The following MACROD1 variants were observed in gnomAD, a reference collection of about 807,000 sequenced individuals.
MACROD1 encodes ADP-ribose glycohydrolase MACROD1.
A neutral mutation model predicts 41.4 loss-of-function variants in MACROD1; 31 were observed. The ratio of observed to expected loss-of-function variants is 0.75; its 90% confidence interval spans 0.56 to 1.01. The LOEUF (loss-of-function observed/expected upper bound fraction) is 1.01. MACROD1 is among the 50% of genes least tolerant of loss of function. The pLI, the probability that MACROD1 is intolerant of heterozygous loss-of-function variation, is 0.00. For synonymous variants in MACROD1, 252 were observed against 203.4 expected, an observed-to-expected ratio of 1.24 and a Z score of -2.03; for missense variants, 473 against 460.0, an observed-to-expected ratio of 1.03 and a Z score of -0.26.
At chr11:64,017,955 G>A (rs1000972758) in intron 3 of MACROD1, among the ~76,000 whole-genome samples, 15 of 152,244 alleles carry the variant, frequency 9.9e-5, no homozygotes, top group African/African-American at 3.4e-4. Context: ...CCATTCCCCT[G>A]CCCACCTGGC....
At chr11:64,056,084 G>A (rs1433476721) in intron 3 of MACROD1, among the ~76,000 whole-genome samples, 1 of 152,234 alleles carries the variant, frequency 6.6e-6, no homozygotes, top group African/African-American at 2.4e-5. Flanking sequence ...CAGACAGGAG[G>A]AGGAAGGGAG....
At chr11:64,164,079 C>T (rs1296381121) in intron 1 of MACROD1, among the ~76,000 whole-genome samples, 5 of 152,242 alleles carry the variant, frequency 3.3e-5, no homozygotes, top group African/African-American at 1.2e-4. Context: ...GGCCTTGTCT[C>T]AGCTGCTAGA....
chr11:64,077,748 C>A (rs1048848155), intron 3 of MACROD1, among the ~76,000 whole-genome samples: 1 of 152,186 alleles, frequency 6.6e-6, no homozygotes, highest in Non-Finnish European at 1.5e-5. Flanking sequence ...ACTGCATTGC[C>A]GAGGGAGGAG....
chr11:64,072,114 G>GGCCT (rs1944120238), intron 3 of MACROD1, among the ~76,000 whole-genome samples: 1 of 152,234 alleles, frequency 6.6e-6, no homozygotes, highest in Non-Finnish European at 1.5e-5. Context: ...TAACCGCTGG[G>GGCCT]GCCTGCCCCG....
At position 64,083,575 on chromosome 11, in the gene MACROD1, C is replaced by T. The variant is rs144869571; in HGVS notation, c.517+67664G>A. Among the ~76,000 whole-genome samples, 601 of 152,330 alleles carry T rather than the reference C, an allele frequency of 3.9e-3. 2 individuals are homozygous for T. Among genetic ancestry groups the T allele is most frequent in the African/African-American group, 0.013 (556 of 41,576 alleles). ...TCGTATTATGTTGTATTTCTGTAAGCTGCCACAAATCCTTTCGAGAACGAG... is the reference window on the plus strand; with the variant it reads ...TCGTATTATGTTGTATTTCTGTAAGTTGCCACAAATCCTTTCGAGAACGAG... On this transcript the variant is annotated intron_variant, in intron 3 of 10. Transcript: ENST00000255681.
intron 4 of MACROD1, among the ~76,000 whole-genome samples, chr11:64,008,168 G>A (rs1942944729): frequency 6.6e-6 from 1 of 152,150 alleles, no homozygotes; most frequent in Non-Finnish European, 1.5e-5. Flanking sequence ...GAGCCAGAGA[G>A]AAAGAACGAC....
intron 3 of MACROD1, among the ~76,000 whole-genome samples, chr11:64,138,873 T>A (rs1279041176): frequency 1.3e-5 from 2 of 151,976 alleles, no homozygotes; most frequent in East Asian, 3.9e-4. Flanking sequence ...GTTCAAGCAA[T>A]TCTCCTGCCT....
intron 3 of MACROD1, among the ~76,000 whole-genome samples, chr11:64,138,314 G>A (rs570524596): frequency 6.6e-5 from 10 of 152,334 alleles, no homozygotes; most frequent in East Asian, 3.9e-4. Context: ...GTCTCCTCCC[G>A]CGCAAACATA....
chr11:64,013,626 G>C (rs1943043773), intron 4 of MACROD1, among the ~76,000 whole-genome samples: 1 of 152,326 alleles, frequency 6.6e-6, no homozygotes, highest in African/African-American at 2.4e-5. Context: ...GGGCAGAAGA[G>C]ACTCGATGAG....
chr11:64,042,849 G>A (rs1382427067), intron 3 of MACROD1, among the ~76,000 whole-genome samples: 1 of 152,178 alleles, frequency 6.6e-6, no homozygotes, highest in Non-Finnish European at 1.5e-5. Context: ...AGAGGGGCTG[G>A]GTAGTGCCAC....
At chr11:64,024,171 G>A (rs552548716) in intron 3 of MACROD1, among the ~76,000 whole-genome samples, 33 of 152,202 alleles carry the variant, frequency 2.2e-4, no homozygotes, top group Non-Finnish European at 4.3e-4. Flanking sequence ...CAAGAGAAAC[G>A]CAAGTCAGCT....
intron 3 of MACROD1, chr11:64,117,195 C>T: frequency 6.2e-7 from 1 of 1,614,146 alleles, no homozygotes; most frequent in South Asian, 1.1e-5. Flanking sequence ...GACCACGCTG[C>T]CCCGCGGCCT....
intron 3 of MACROD1, among the ~76,000 whole-genome samples, chr11:64,069,580 T>C (rs188194669): frequency 2.0e-3 from 306 of 152,238 alleles, no homozygotes; most frequent in African/African-American, 7.2e-3. Flanking sequence ...CCCCTAGCTG[T>C]GGGGCCAGGT....
chr11:64,165,618 CGCTCGTTGGG>C, intron 1 of MACROD1, 69 bp downstream of exon 1: 1 of 1,265,360 alleles, frequency 7.9e-7, no homozygotes, highest in South Asian at 2.0e-5. Context: ...AGGGGCTGCT[CGCTCGTTGGG>C]GGCCGCCCAG....
intron 1 of MACROD1, among the ~76,000 whole-genome samples, chr11:64,154,074 C>G (rs1287797436): frequency 6.6e-6 from 1 of 152,172 alleles, no homozygotes; most frequent in Non-Finnish European, 1.5e-5. Flanking sequence ...CTCCTGCCTT[C>G]CCTGTGGACA....
intron 4 of MACROD1, chr11:64,001,337 G>C: frequency 1.5e-6 from 1 of 668,820 alleles, no homozygotes; most frequent in Non-Finnish European, 2.7e-6. Flanking sequence ...CGTGCTGGCC[G>C]GGAGGACAGG....
intron 3 of MACROD1, among the ~76,000 whole-genome samples, chr11:64,069,956 A>C (rs1944076649): frequency 6.6e-6 from 1 of 151,852 alleles, no homozygotes; most frequent in African/African-American, 2.4e-5. Context: ...GCCCAGTGGG[A>C]TCAATGTCCC....
intron 3 of MACROD1, among the ~76,000 whole-genome samples, chr11:64,043,987 A>T (rs537069917): frequency 6.6e-6 from 1 of 152,032 alleles, no homozygotes; most frequent in South Asian, 2.1e-4. Flanking sequence ...CTAATTTTTC[A>T]TATTTTTAGT....
intron 4 of MACROD1, among the ~76,000 whole-genome samples, chr11:64,011,769 G>A (rs1215737630): frequency 1.3e-5 from 2 of 151,840 alleles, no homozygotes; most frequent in African/African-American, 4.8e-5. Context: ...TGGGAGGGGC[G>A]CGGGTAGAGG....
Sources: allele counts gnomAD v4.1 joint callset (sites outside exome capture counted in the v4.1 genomes callset), GRCh38; gene constraint gnomAD v4.1.1; transcripts MANE v1.5; gene names NCBI Gene and HGNC (gene_info 2026-07-23, HGNC 2026-07-21).